Variants in NFIA observed in about 807,000 individuals in gnomAD.
NFIA encodes nuclear factor 1 A-type.
NFIA carries 8 observed loss-of-function variants against 62.8 expected under a neutral mutation model. That is an observed-to-expected ratio of 0.13 (90% CI 0.07 to 0.23). The LOEUF is 0.23. Among genes scored for constraint, NFIA ranks in the 10% least tolerant of loss-of-function variants. The probability of loss-of-function intolerance (pLI) is 1.00; values close to 1 mark genes in which losing one functional copy is unlikely to be tolerated. For synonymous variants in NFIA, 235 were observed against 238.1 expected (o/e 0.99, Z 0.12); for missense variants, 410 against 642.1 (o/e 0.64, Z 3.91).
intron 2 of NFIA, among the ~76,000 whole-genome samples, chr1:61,249,506 C>T (rs937627641): frequency 6.6e-5 from 10 of 152,114 alleles, no homozygotes; most frequent in Admixed American, 5.2e-4. Flanking sequence ...CGGTGGCTCA[C>T]GCCTATAATC....
intron 2 of NFIA, among the ~76,000 whole-genome samples, chr1:61,187,297 A>G (rs546321814): frequency 1.4e-3 from 207 of 152,294 alleles, no homozygotes; most frequent in African/African-American, 4.7e-3. Context: ...GTTAGCATCC[A>G]TGCTGGTATA....
intron 3 of NFIA, among the ~76,000 whole-genome samples, chr1:61,319,154 T>G (rs1660530429): frequency 1.3e-5 from 2 of 152,134 alleles, no homozygotes; most frequent in South Asian, 4.1e-4. Context: ...AATTACCACA[T>G]TCACCAGGTA....
intron 2 of NFIA, among the ~76,000 whole-genome samples, chr1:61,261,214 A>T (rs1656753492): frequency 6.6e-6 from 1 of 152,136 alleles, no homozygotes; most frequent in Admixed American, 6.5e-5. Context: ...GTCCATTTTG[A>T]GGGGTTGTTA....
chr1:61,147,446 T>G lies in NFIA; in HGVS notation c.559+58766T>G, dbSNP rs543245684. 3.9e-5 allele frequency among the ~76,000 whole-genome samples: 6 copies of G among 152,360 alleles called. No individual in the cohort carries two copies. In the East Asian group the frequency reaches 1.2e-3, roughly 29 times the overall value. On this transcript the variant is annotated intron_variant, in intron 2 of 10. Coordinates refer to ENST00000403491, the MANE Select transcript of NFIA (RefSeq NM_001134673.4). ...GATTACAGGTGTGAGCCACTGCGCC[T>G]GACCTGAATCTTTAAATTCTTAAAA...
chr1:61,232,559 C>G (rs1200100970), intron 2 of NFIA, among the ~76,000 whole-genome samples: 5 of 152,100 alleles, frequency 3.3e-5, no homozygotes, highest in Non-Finnish European at 7.4e-5. Flanking sequence ...TTAAAGAGAA[C>G]CAATTTTAGA....
rs1665830183 is a variant in NFIA at position 61,406,542 on chromosome 1, T to TGGGGGGGGGG, written c.1255-19_1255-18insGGGGGGGGGG. ...TTCTTTTTCTTGTACGTGTGTTTTC[T>TGGGGGGGGGG]GCCCCCCCCCCCCCCACAGCCCAAT... On this transcript the variant is annotated intron_variant, in intron 8 of 10. Coordinates refer to ENST00000403491, the MANE Select transcript of NFIA (RefSeq NM_001134673.4). The TGGGGGGGGGG allele has an allele frequency of 1.3e-4, 161 of 1,253,582 alleles. No homozygotes were observed. The highest frequency in any genetic ancestry group is 4.3e-4 in the East Asian group (14 of 32,704). The allele number at this position is 1,253,582 out of a possible 1,614,324, so 77.7% of individuals were successfully genotyped here.
At chr1:61,137,585 C>T (rs1647221742) in intron 2 of NFIA, among the ~76,000 whole-genome samples, 1 of 152,138 alleles carries the variant, frequency 6.6e-6, no homozygotes, top group Non-Finnish European at 1.5e-5. Flanking sequence ...CCATTGCTTT[C>T]AGACTCTGGT....
At chr1:61,367,559 C>T (rs909045157) in intron 6 of NFIA, among the ~76,000 whole-genome samples, 1 of 152,166 alleles carries the variant, frequency 6.6e-6, no homozygotes, top group Non-Finnish European at 1.5e-5. Flanking sequence ...GACATTGGTA[C>T]AGTAACAAGG....
intron 2 of NFIA, among the ~76,000 whole-genome samples, chr1:61,177,353 A>G (rs999730724): frequency 2.0e-5 from 3 of 152,188 alleles, no homozygotes; most frequent in East Asian, 1.9e-4. Context: ...AGTTATTTCA[A>G]TCTCCTATGC....
intron 9 of NFIA, among the ~76,000 whole-genome samples, chr1:61,410,919 T>A (rs1666069166): frequency 1.3e-5 from 2 of 151,832 alleles, no homozygotes; most frequent in African/African-American, 4.8e-5. Flanking sequence ...AAAATATATA[T>A]AAAAATAAAT....
chr1:61,185,621 C>A (rs1651115322), intron 2 of NFIA, among the ~76,000 whole-genome samples: 1 of 150,690 alleles, frequency 6.6e-6, no homozygotes. Context: ...TCTGTATCTA[C>A]CTTTCTAACC....
chr1:61,383,045 C>T (rs1245142613), intron 6 of NFIA, among the ~76,000 whole-genome samples, 192 bp from the exon 7 acceptor site: 1 of 152,096 alleles, frequency 6.6e-6, no homozygotes, highest in Non-Finnish European at 1.5e-5. Context: ...AAATACAGAC[C>T]GACTTATCAG....
At chr1:61,131,776 T>C (rs1166713416) in intron 2 of NFIA, among the ~76,000 whole-genome samples, 1 of 152,184 alleles carries the variant, frequency 6.6e-6, no homozygotes, top group East Asian at 1.9e-4. Context: ...TCAGTCAGGA[T>C]AGTAAGTATG....
intron 6 of NFIA, among the ~76,000 whole-genome samples, chr1:61,366,598 A>G (rs1040246421): frequency 8.5e-5 from 13 of 152,188 alleles, no homozygotes; most frequent in African/African-American, 3.1e-4. Flanking sequence ...CTCTGCAAAG[A>G]GTAAGTTGTT....
intron 2 of NFIA, among the ~76,000 whole-genome samples, chr1:61,101,583 A>C (rs1308142437): frequency 6.6e-6 from 1 of 152,130 alleles, no homozygotes; most frequent in African/African-American, 2.4e-5. Context: ...AAAGGAAGCG[A>C]AGGCCTTGGA....
At chr1:61,090,211 A>G (rs989619189) in intron 2 of NFIA, among the ~76,000 whole-genome samples, 1 of 152,250 alleles carries the variant, frequency 6.6e-6, no homozygotes, top group African/African-American at 2.4e-5. Context: ...TATGTTAAGC[A>G]CAGCAAAACG....
At chr1:61,137,648 G>A (rs1417586801) in intron 2 of NFIA, among the ~76,000 whole-genome samples, 1 of 152,148 alleles carries the variant, frequency 6.6e-6, no homozygotes, top group Non-Finnish European at 1.5e-5. Context: ...CTGGGCGTTA[G>A]CATTTTTTAA....
intron 10 of NFIA, among the ~76,000 whole-genome samples, chr1:61,445,877 TA>T (rs1243202171): frequency 6.6e-6 from 1 of 152,166 alleles, no homozygotes; most frequent in East Asian, 1.9e-4. Flanking sequence ...GCAGAAAAGT[TA>T]AAGTTGGACC....
At chr1:61,331,802 G>T (rs994460852) in intron 3 of NFIA, among the ~76,000 whole-genome samples, 1 of 151,974 alleles carries the variant, frequency 6.6e-6, no homozygotes, top group African/African-American at 2.4e-5. Context: ...ATAATACCAG[G>T]TGTCTTAAAG....
Sources: gnomAD v4.1 joint callset for allele counts (sites outside exome capture counted in the v4.1 genomes callset) on GRCh38, gnomAD v4.1.1 for gene constraint, MANE v1.5 for transcripts, NCBI Gene and HGNC (gene_info 2026-07-23, HGNC 2026-07-21) for gene names.